PARVB: variants seen among roughly 807,000 people sequenced by gnomAD.
PARVB encodes parvin beta, also known as beta-parvin.
A neutral mutation model predicts 47.0 loss-of-function variants in PARVB; 46 were observed. The observed-to-expected ratio is 0.98, with a 90% CI of 0.77 to 1.25. The LOEUF (loss-of-function observed/expected upper bound fraction) is 1.25. Among genes scored for constraint, PARVB ranks in the 50% most tolerant of loss-of-function variants. PARVB has a pLI of 0.00. For synonymous variants in PARVB, 196 were observed against 196.3 expected (o/e 1.00, Z 0.01); for missense variants, 473 against 471.6 (o/e 1.00, Z -0.03).
chr22:44,013,720 C>A (rs933978220), intron 2 of PARVB, among the ~76,000 whole-genome samples: 2 of 151,942 alleles, frequency 1.3e-5, no homozygotes, highest in Non-Finnish European at 2.9e-5. Context: ...GCAACCTCCA[C>A]CTCCTGGGTT....
Position 44,170,048 on chromosome 22 carries a change from A to T in PARVB, c.*1370A>T, listed in dbSNP as rs531671753. On this transcript the variant is annotated 3_prime_UTR_variant, in exon 13 of 13. Transcript: ENST00000338758. ...GAGACAAGTTCTCACTGTGTCACCC[A>T]GGAGTAAAGTGGTGCCATCTCAGCT... 2 of 131,120 alleles carry T rather than the reference A, an allele frequency of 1.5e-5. No individual in the cohort carries two copies. The highest frequency in any genetic ancestry group is 4.3e-4 in the East Asian group (2 of 4,652). The allele number at this position is 131,120 out of a possible 1,614,324, so 8.1% of individuals were successfully genotyped here.
chr22:44,079,246 T>C lies in PARVB; in HGVS notation c.113-14682T>C, dbSNP rs150950652. Among the ~76,000 whole-genome samples, 40 of 152,274 alleles carry C rather than the reference T, an allele frequency of 2.6e-4. No homozygotes were observed. The East Asian group carries it at 7.7e-3, about 29-fold the overall frequency. ...CTGACATCTGGGCTGATATTCACCG[T>C]TTTTAGTGACTTGAATGACGTCCAT... On this transcript the variant is annotated intron_variant, in intron 1 of 12. Transcript: ENST00000338758.
At chr22:44,026,433 C>A in intron 1 of PARVB, 1 of 737,904 alleles carries the variant, frequency 1.4e-6, no homozygotes, top group Non-Finnish European at 1.7e-6. Flanking sequence ...AAACAGAGGG[C>A]CACAAACCCT....
At chr22:44,157,398 A>G (rs2053959330) in intron 10 of PARVB, among the ~76,000 whole-genome samples, 1 of 152,226 alleles carries the variant, frequency 6.6e-6, no homozygotes, top group African/African-American at 2.4e-5. Flanking sequence ...GGTCCTAGCC[A>G]GGCAGCTGCA....
At chr22:44,162,071 C>T (rs2054065804) in intron 11 of PARVB, among the ~76,000 whole-genome samples, 1 of 152,234 alleles carries the variant, frequency 6.6e-6, no homozygotes, top group Admixed American at 6.5e-5. Flanking sequence ...CTATGACTAG[C>T]CAGACCCTCT....
At chr22:44,105,755 C>T (rs11913389) in intron 3 of PARVB, 49,275 of 152,168 alleles carry the variant, frequency 0.32, 9,115 homozygotes, top group African/African-American at 0.51. Flanking sequence ...GAGGTTCACA[C>T]CAGCGTCTCC....
intron 1 of PARVB, among the ~76,000 whole-genome samples, chr22:44,092,052 C>G (rs949994440): frequency 2.0e-5 from 3 of 152,112 alleles, no homozygotes; most frequent in Non-Finnish European, 4.4e-5. Context: ...TTTAGCCCTT[C>G]CAAAGACCCT....
chr22:44,020,111 T>C (rs116305408), upstream of PARVB, among the ~76,000 whole-genome samples: 786 of 151,814 alleles, frequency 5.2e-3, 10 homozygotes, highest in African/African-American at 0.018. Flanking sequence ...AATTCCAGCA[T>C]GGTCCATCTG....
chr22:44,167,767 G>A (rs2054201865), intron 12 of PARVB, among the ~76,000 whole-genome samples: 1 of 151,066 alleles, frequency 6.6e-6, no homozygotes, highest in Non-Finnish European at 1.5e-5. Flanking sequence ...CCACCGAGCT[G>A]AGTTCAGCCC....
intron 2 of PARVB, among the ~76,000 whole-genome samples, chr22:44,097,039 T>C (rs1353794655): frequency 6.6e-6 from 1 of 151,998 alleles, no homozygotes; most frequent in Non-Finnish European, 1.5e-5. Context: ...TGTGGGCTCC[T>C]CGAGGGGTCC....
intron 2 of PARVB, among the ~76,000 whole-genome samples, chr22:44,008,938 G>A (rs541330517): frequency 1.5e-4 from 23 of 152,182 alleles, no homozygotes; most frequent in African/African-American, 4.8e-4. Context: ...GCAGTGAGCC[G>A]AGATCGCACC....
At chr22:44,021,816 C>T (rs1569055195), upstream of PARVB, among the ~76,000 whole-genome samples, 2 of 138,994 alleles carry the variant, frequency 1.4e-5, no homozygotes, top group Non-Finnish European at 3.0e-5. Flanking sequence ...CACACACACA[C>T]AGGGCCTAGT....
intron 1 of PARVB, chr22:44,069,164 T>C (rs768117158): frequency 5.6e-6 from 9 of 1,611,588 alleles, no homozygotes; most frequent in Non-Finnish European, 7.6e-6. Context: ...TCCTCGCCAG[T>C]GAGTTCTGTT....
intron 11 of PARVB, among the ~76,000 whole-genome samples, chr22:44,161,258 G>C (rs909312939): frequency 1.3e-5 from 2 of 150,590 alleles, no homozygotes; most frequent in South Asian, 4.2e-4. Flanking sequence ...CAGATTCTAC[G>C]TTTCAGTCCT....
intron 6 of PARVB, among the ~76,000 whole-genome samples, chr22:44,134,753 G>A (rs565639032): frequency 2.4e-4 from 37 of 152,266 alleles, no homozygotes; most frequent in Non-Finnish European, 3.5e-4. Context: ...TTTCCAGGGT[G>A]GAAGGAAGGA....
rs1031980455 is a variant in PARVB at position 44,059,150 on chromosome 22, A to G, written c.112+34699A>G. On this transcript the variant is annotated intron_variant, in intron 1 of 12. Transcript: ENST00000338758. Reference sequence around the variant, plus strand: ...AACCTCTGCTTCTCACATTTAAGCGATTCTTCTGCCTCAGCCTCCTGAATA... The same window carrying G: ...AACCTCTGCTTCTCACATTTAAGCGGTTCTTCTGCCTCAGCCTCCTGAATA... 6.2e-5 allele frequency among the ~76,000 whole-genome samples: 9 copies of G among 145,526 alleles called. No individual in the cohort carries two copies. In the Admixed American group the frequency reaches 6.5e-4, roughly 10 times the overall value.
chr22:44,103,149 G>A lies in PARVB; in HGVS notation c.273+3026G>A, dbSNP rs1371151802. ...GTGGGGCGAGGGCTGGCTGCTGCAT[G>A]TCTTCCAGGTTTCAGATTGAGAAGA... On this transcript the variant is annotated intron_variant, in intron 3 of 12. Coordinates refer to ENST00000338758, the MANE Select transcript of PARVB (RefSeq NM_013327.5). The surrounding 1 kb of genome is among the most constrained non-coding windows in gnomAD (Gnocchi z 4.6). The A allele has an allele frequency of 6.6e-6, 1 of 152,316 alleles. No homozygotes were observed. The highest frequency in any genetic ancestry group is 1.5e-5 in the Non-Finnish European group (1 of 68,112). The allele number at this position is 152,316 out of a possible 1,614,324, so 9.4% of individuals were successfully genotyped here. A position where few individuals can be genotyped will look rare whatever the true frequency, so the allele number is the denominator to read the frequency against.
intron 4 of PARVB, among the ~76,000 whole-genome samples, chr22:44,123,913 TGCCTG>T: frequency 6.6e-6 from 1 of 152,368 alleles, no homozygotes; most frequent in East Asian, 1.9e-4. Context: ...CCTGGCACAG[TGCCTG>T]GCACAGGTCT....
chr22:44,065,364 C>T (rs2051498767), intron 1 of PARVB, among the ~76,000 whole-genome samples: 1 of 151,948 alleles, frequency 6.6e-6, no homozygotes, highest in Admixed American at 6.6e-5. Context: ...TCTATGTTGC[C>T]CAAGCTGGTC....
Sources: gnomAD v4.1 joint callset for allele counts (sites outside exome capture counted in the v4.1 genomes callset) on GRCh38, gnomAD v4.1.1 for gene constraint, Gnocchi (gnomAD v3.1) non-coding constraint, MANE v1.5 for transcripts, NCBI Gene and HGNC (gene_info 2026-07-23, HGNC 2026-07-21) for gene names.